RBFOX1: variants seen among roughly 807,000 people sequenced by gnomAD.
RBFOX1 encodes RNA binding fox-1 homolog 1.
A neutral mutation model predicts 57.7 loss-of-function variants in RBFOX1; 8 were observed. The observed-to-expected ratio is 0.14, with a 90% CI of 0.08 to 0.25. The LOEUF (loss-of-function observed/expected upper bound fraction) is 0.25. Among genes scored for constraint, RBFOX1 ranks in the 10% least tolerant of loss-of-function variants. RBFOX1 has a pLI of 1.00. For missense variants in RBFOX1, 611 were observed against 548.5 expected, an observed-to-expected ratio of 1.11 and a Z score of -1.14; for synonymous variants, 326 against 222.4, an observed-to-expected ratio of 1.47 and a Z score of -4.15.
At chr16:5,627,379 A>G (rs1197862635) in intron 3 of RBFOX1, among the ~76,000 whole-genome samples, 1 of 151,990 alleles carries the variant, frequency 6.6e-6, no homozygotes, top group Non-Finnish European at 1.5e-5. Flanking sequence ...TGTGTATCCC[A>G]CATTCAGCAA....
intron 4 of RBFOX1, among the ~76,000 whole-genome samples, chr16:5,937,132 C>T (rs1412269706): frequency 6.6e-6 from 1 of 152,152 alleles, no homozygotes; most frequent in East Asian, 1.9e-4. Flanking sequence ...AAAATGTTGC[C>T]TGGAAATGTG....
At chr16:6,903,112 C>G (rs140562612) in intron 3 of RBFOX1, among the ~76,000 whole-genome samples, 2 of 152,196 alleles carry the variant, frequency 1.3e-5, no homozygotes, top group East Asian at 3.9e-4. Flanking sequence ...TCTTGGAGGA[C>G]GCGATTCTGA....
At chr16:6,870,119 G>T (rs1419857610) in intron 3 of RBFOX1, among the ~76,000 whole-genome samples, 1 of 151,864 alleles carries the variant, frequency 6.6e-6, no homozygotes, top group Non-Finnish European at 1.5e-5. Context: ...ATGATTTTTT[G>T]CATAAGGCTC....
chr16:7,212,788 G>A (rs1188257898), intron 4 of RBFOX1, among the ~76,000 whole-genome samples: 3 of 152,172 alleles, frequency 2.0e-5, no homozygotes, highest in Non-Finnish European at 2.9e-5. Context: ...GTATACCTAT[G>A]TAACAAACCT....
At chr16:6,026,727 C>G (rs1198694363) in intron 1 of RBFOX1, among the ~76,000 whole-genome samples, 1 of 152,188 alleles carries the variant, frequency 6.6e-6, no homozygotes, top group East Asian at 1.9e-4. Context: ...CAATCTGGCT[C>G]TTGTTTTGTT....
At position 7,260,681 on chromosome 16, in the gene RBFOX1, C is replaced by G. The variant is rs185146063; in HGVS notation, c.27+208583C>G. On this transcript the variant is annotated intron_variant, in intron 4 of 15. Coordinates refer to ENST00000550418, the MANE Select transcript of RBFOX1 (RefSeq NM_018723.4). Reference sequence around the variant, plus strand: ...TTTATTGATTTTTTTTTAAGTTTCTCTAATGTTCTAATGAGAATATTTTCC... The same window carrying G: ...TTTATTGATTTTTTTTTAAGTTTCTGTAATGTTCTAATGAGAATATTTTCC... Among the ~76,000 whole-genome samples, 969 of 151,360 alleles carry G rather than the reference C, an allele frequency of 6.4e-3. 14 individuals are homozygous for G. Among genetic ancestry groups the G allele is most frequent in the African/African-American group, 0.022 (922 of 41,446 alleles).
intron 4 of RBFOX1, among the ~76,000 whole-genome samples, chr16:7,500,164 A>G (rs187832575): frequency 6.6e-6 from 1 of 152,200 alleles, no homozygotes; most frequent in Non-Finnish European, 1.5e-5. Flanking sequence ...TCATGTGAAG[A>G]AGCACAGACT....
chr16:5,489,938 G>A (rs2042770715), intron 2 of RBFOX1, among the ~76,000 whole-genome samples: 1 of 152,208 alleles, frequency 6.6e-6, no homozygotes, highest in Admixed American at 6.5e-5. Flanking sequence ...ATGTCTCACA[G>A]CCCAGAGCAT....
At chr16:6,279,822 G>T (rs967175384) in intron 1 of RBFOX1, among the ~76,000 whole-genome samples, 1 of 152,012 alleles carries the variant, frequency 6.6e-6, no homozygotes, top group South Asian at 2.1e-4. Context: ...ATGATAAATG[G>T]TAATGTTCCC....
chr16:5,349,143 A>G (rs2065206915), intron 1 of RBFOX1, among the ~76,000 whole-genome samples: 1 of 152,236 alleles, frequency 6.6e-6, no homozygotes, highest in South Asian at 2.1e-4. Flanking sequence ...ATGCAACAAC[A>G]TGGCTGAACC....
intron 3 of RBFOX1, among the ~76,000 whole-genome samples, chr16:6,759,183 C>A (rs936856668): frequency 6.7e-6 from 1 of 150,252 alleles, no homozygotes; most frequent in Non-Finnish European, 1.5e-5. Context: ...CAGAGTCTCG[C>A]TCTGTTGCCC....
At chr16:7,583,569 A>T (rs1050439231) in intron 6 of RBFOX1, among the ~76,000 whole-genome samples, 1 of 152,210 alleles carries the variant, frequency 6.6e-6, no homozygotes, top group Non-Finnish European at 1.5e-5. Context: ...CAACAGATGG[A>T]TGGATGTTCT....
At chr16:7,289,017 C>A (rs920718789) in intron 4 of RBFOX1, among the ~76,000 whole-genome samples, 3 of 152,096 alleles carry the variant, frequency 2.0e-5, no homozygotes, top group Non-Finnish European at 4.4e-5. Context: ...AGTATGGGCA[C>A]CCTGGAGGTT....
intron 3 of RBFOX1, among the ~76,000 whole-genome samples, chr16:6,903,836 T>C (rs2069088573): frequency 6.6e-6 from 1 of 151,976 alleles, no homozygotes; most frequent in Admixed American, 6.6e-5. Flanking sequence ...AGGCGGGCTG[T>C]AAAGGGAATG....
intron 9 of RBFOX1, among the ~76,000 whole-genome samples, chr16:7,601,232 T>C (rs951414634): frequency 6.6e-6 from 1 of 152,202 alleles, no homozygotes; most frequent in African/African-American, 2.4e-5. Flanking sequence ...TTGTAGGAAG[T>C]TGTTTAAACT....
At chr16:6,215,573 A>G (rs2152864497) in intron 1 of RBFOX1, among the ~76,000 whole-genome samples, 1 of 152,212 alleles carries the variant, frequency 6.6e-6, no homozygotes, top group Non-Finnish European at 1.5e-5. Context: ...GCAGTTGTAA[A>G]CACACCATTG....
At chr16:7,557,836 A>C (rs1200496884) in intron 5 of RBFOX1, among the ~76,000 whole-genome samples, 1 of 151,846 alleles carries the variant, frequency 6.6e-6, no homozygotes, top group South Asian at 2.1e-4. Context: ...GCATTTGCCA[A>C]TTTCCATGGT....
chr16:7,690,114 C>G (rs763220624), intron 14 of RBFOX1, among the ~76,000 whole-genome samples: 1 of 152,084 alleles, frequency 6.6e-6, no homozygotes, highest in Admixed American at 6.6e-5. Context: ...AACACTGCTT[C>G]TCAGCTGGGC....
In RBFOX1 at chr16:5,401,764, TCTCCTCCTC is replaced by T. The variant is rs71142618; in HGVS notation, c.220-65430_220-65422del. Among the ~76,000 whole-genome samples, 503 of 103,492 alleles carry T rather than the reference TCTCCTCCTC, an allele frequency of 4.9e-3. 9 individuals are homozygous for T. Among genetic ancestry groups the T allele is most frequent in the African/African-American group, 0.016 (471 of 29,660 alleles). The allele number at this position is 103,492 out of a possible 152,430, so 67.9% of individuals were successfully genotyped here. On this transcript the variant is annotated intron_variant, in intron 1 of 2. Coordinates refer to the RBFOX1 transcript ENST00000585867. ...TTTTCTCTCTCTCTCTCCCTGTCTC[TCTCCTCCTC>T]CTCCTCCTCCTCCTCCTCCTCTTTC...
Sources: allele counts gnomAD v4.1 joint callset (sites outside exome capture counted in the v4.1 genomes callset), GRCh38; gene constraint gnomAD v4.1.1; transcripts MANE v1.5; gene names NCBI Gene and HGNC (gene_info 2026-07-23, HGNC 2026-07-21).